Variants in PRKN observed in about 807,000 individuals in gnomAD.
The protein encoded by PRKN is E3 ubiquitin-protein ligase parkin.
Under a neutral mutation model 59.5 loss-of-function variants are expected in PRKN, and 56 were observed. The observed-to-expected ratio is 0.94, with a 90% CI of 0.76 to 1.18. PRKN has a LOEUF of 1.18. PRKN is among the 50% of genes most tolerant of loss of function. The pLI is 0.00. For synonymous variants in PRKN, 250 were observed against 222.1 expected, an observed-to-expected ratio of 1.13 and a Z score of -1.12; for missense variants, 657 against 596.4, an observed-to-expected ratio of 1.10 and a Z score of -1.06.
At chr6:161,857,857 A>G (rs1793720037) in intron 6 of PRKN, among the ~76,000 whole-genome samples, 1 of 152,316 alleles carries the variant, frequency 6.6e-6, no homozygotes, top group East Asian at 1.9e-4. Flanking sequence ...GGAAGACACA[A>G]CTTCATGGAG....
rs771621955 is a variant in PRKN at position 161,355,743 on chromosome 6, C to T, written c.1285+4345G>A. On this transcript the variant is annotated intron_variant, in intron 11 of 11. Transcript: ENST00000366898. The surrounding 1 kb of genome is among the most constrained non-coding windows in gnomAD (Gnocchi z 6.8). ...TTTAATTCAGCAAATATTTTTTGTC[C>T]GGGCTCTCTTCTGGGATTGGAGCCT... Among the ~76,000 whole-genome samples, 12 of 152,086 alleles carry T rather than the reference C, an allele frequency of 7.9e-5. No homozygotes were observed. Among genetic ancestry groups the T allele is most frequent in the Non-Finnish European group, 1.8e-4 (12 of 68,016 alleles).
In PRKN at chr6:161,413,978, G is replaced by C. The variant is rs528075593; in HGVS notation, c.1084-27101C>G. Among the ~76,000 whole-genome samples, 4 of 152,230 alleles carry C rather than the reference G, an allele frequency of 2.6e-5. No individual in the cohort carries two copies. The East Asian group carries it at 7.7e-4, about 29-fold the overall frequency. ...GTGGCAGAAAGAGATGATAACTCCA[G>C]GAAGGAAGGGGTGCCTGAGAGAAGC... On this transcript the variant is annotated intron_variant, in intron 9 of 11. Transcript: ENST00000366898. This position sits in a 1 kb window ranked among gnomAD's most constrained non-coding sequence, Gnocchi z 4.4.
At chr6:161,947,618 T>C (rs944703868) in intron 6 of PRKN, among the ~76,000 whole-genome samples, 1 of 152,202 alleles carries the variant, frequency 6.6e-6, no homozygotes, top group African/African-American at 2.4e-5. Context: ...CATCTTGTAT[T>C]CATGTGTTAA....
chr6:162,109,319 A>T (rs1304334090), intron 4 of PRKN, among the ~76,000 whole-genome samples: 1 of 152,214 alleles, frequency 6.6e-6, no homozygotes, highest in Non-Finnish European at 1.5e-5. Flanking sequence ...ATATACAGAG[A>T]GAGATAAAAG....
chr6:162,562,844 T>C lies in PRKN; in HGVS notation c.8-119371A>G, dbSNP rs186254636. 4.6e-4 allele frequency among the ~76,000 whole-genome samples: 70 copies of C among 152,288 alleles called. No individual in the cohort carries two copies. The East Asian group carries it at 0.013, about 29-fold the overall frequency. On this transcript the variant is annotated intron_variant, in intron 1 of 11. Transcript: ENST00000366898. ...CAGGGCCTTGAGTGAACATAGGCAGTAGCCAGGGAGTGGTTACAGCAGGAC... is the reference window on the plus strand; with the variant it reads ...CAGGGCCTTGAGTGAACATAGGCAGCAGCCAGGGAGTGGTTACAGCAGGAC...
rs1789955197 is a variant in PRKN, at chr6:161,456,067, T to G, written c.1084-69190A>C. Among the ~76,000 whole-genome samples the G allele has an allele frequency of 6.6e-6, 1 of 152,122 alleles. No homozygotes were observed. The highest frequency in any genetic ancestry group is 2.4e-5 in the African/African-American group (1 of 41,438). On this transcript the variant is annotated intron_variant, in intron 9 of 11. Transcript: ENST00000366898. This position sits in a 1 kb window ranked among gnomAD's most constrained non-coding sequence, Gnocchi z 4.8. ...GCCTCTAGGGGAAGCAAAGGGCTCCTGTGTTGTGATGGTTAATATTGAGTG... is the reference window on the plus strand; with the variant it reads ...GCCTCTAGGGGAAGCAAAGGGCTCCGGTGTTGTGATGGTTAATATTGAGTG...
intron 9 of PRKN, among the ~76,000 whole-genome samples, chr6:161,479,038 G>A (rs1433697111): frequency 6.6e-6 from 1 of 152,090 alleles, no homozygotes; most frequent in African/African-American, 2.4e-5. Flanking sequence ...TTGGATGAAA[G>A]AAAAAAGATA....
chr6:161,574,229 T>A (rs1042290720), intron 7 of PRKN, among the ~76,000 whole-genome samples: 2 of 151,780 alleles, frequency 1.3e-5, no homozygotes, highest in African/African-American at 4.8e-5. Flanking sequence ...GGCTTAAAAA[T>A]AACAAAACTG....
Position 162,420,354 on chromosome 6 carries a change from C to T in PRKN, c.171+22956G>A, listed in dbSNP as rs368073570. The stretch of plus-strand genomic sequence containing the variant: ...GGCACAAATTTAATCACATTGAATC[C>T]TTTGTCTTCTATTAGTTAAAAGGTT... On this transcript the variant is annotated intron_variant, in intron 2 of 11. Transcript: ENST00000366898. 6.6e-5 allele frequency among the ~76,000 whole-genome samples: 10 copies of T among 152,098 alleles called. 1 individual carries two copies. The East Asian group carries it at 1.7e-3, about 26-fold the overall frequency.
rs181390051 is a variant in PRKN at position 162,521,804 on chromosome 6, T to C, written c.8-78331A>G. 9.2e-5 allele frequency among the ~76,000 whole-genome samples: 14 copies of C among 152,246 alleles called. No individual in the cohort carries two copies. The East Asian group carries it at 2.7e-3, about 29-fold the overall frequency. ...CAAAATATTATATGGTTCAAATTGT[T>C]AAAAAATCACAGCTTACTTAATAAA... On this transcript the variant is annotated intron_variant, in intron 1 of 11. Coordinates refer to ENST00000366898, the MANE Select transcript of PRKN (RefSeq NM_004562.3).
rs904993360 is a variant in PRKN at position 161,429,440 on chromosome 6, G to C, written c.1084-42563C>G. On this transcript the variant is annotated intron_variant, in intron 9 of 11. Coordinates refer to ENST00000366898, the MANE Select transcript of PRKN (RefSeq NM_004562.3). The surrounding 1 kb of genome is among the most constrained non-coding windows in gnomAD (Gnocchi z 4.2). ...GCAACCTGGGGAGCCATGGTTAAGA[G>C]GGACGGAGAAATAACACGAATGTGG... Among the ~76,000 whole-genome samples, 1 of 152,160 alleles carries C rather than the reference G, an allele frequency of 6.6e-6. No individual in the cohort carries two copies. The highest frequency in any genetic ancestry group is 2.4e-5 in the African/African-American group (1 of 41,428).
At chr6:161,590,909 G>A (rs1781697743) in intron 7 of PRKN, among the ~76,000 whole-genome samples, 1 of 152,112 alleles carries the variant, frequency 6.6e-6, no homozygotes, top group Admixed American at 6.6e-5. Flanking sequence ...TGTGGCAACT[G>A]GATGCAACAT....
At chr6:161,421,587 C>T (rs1435703275) in intron 9 of PRKN, among the ~76,000 whole-genome samples, 5 of 152,208 alleles carry the variant, frequency 3.3e-5, no homozygotes, top group African/African-American at 1.2e-4. Context: ...GGAGGGGACT[C>T]CGGAGATCAC....
intron 2 of PRKN, among the ~76,000 whole-genome samples, chr6:162,417,730 T>C (rs1291822493): frequency 6.6e-6 from 1 of 152,204 alleles, no homozygotes; most frequent in Non-Finnish European, 1.5e-5. Flanking sequence ...GTTTATGGCT[T>C]TCGGTTTCTA....
At chr6:162,078,999 C>A (rs1778949915) in intron 4 of PRKN, among the ~76,000 whole-genome samples, 2 of 152,186 alleles carry the variant, frequency 1.3e-5, no homozygotes, top group South Asian at 4.1e-4. Flanking sequence ...CTTTTGAAGT[C>A]ATCAGAGGTT....
intron 7 of PRKN, among the ~76,000 whole-genome samples, chr6:161,770,625 G>A (rs566842450): frequency 7.2e-5 from 11 of 152,000 alleles, no homozygotes; most frequent in South Asian, 2.1e-4. Flanking sequence ...GCACCACCAC[G>A]CCCAACTAAT....
chr6:162,666,863 G>A (rs534169827), intron 1 of PRKN, among the ~76,000 whole-genome samples: 117 of 152,092 alleles, frequency 7.7e-4, no homozygotes, highest in African/African-American at 2.7e-3. Flanking sequence ...AGAGTTTCAG[G>A]ACAAGCAAAT....
At chr6:162,041,770 T>C (rs1175761848) in intron 5 of PRKN, among the ~76,000 whole-genome samples, 3 of 152,226 alleles carry the variant, frequency 2.0e-5, no homozygotes, top group Non-Finnish European at 4.4e-5. Context: ...TTATAGCCCC[T>C]AAATTGTAAC....
intron 9 of PRKN, among the ~76,000 whole-genome samples, chr6:161,464,499 C>CA (rs1191323454): frequency 6.6e-6 from 1 of 152,092 alleles, no homozygotes; most frequent in Non-Finnish European, 1.5e-5. Flanking sequence ...TGAGTTTTGG[C>CA]AATATATGCA....
Sources: gnomAD v4.1 joint callset for allele counts (sites outside exome capture counted in the v4.1 genomes callset) on GRCh38, gnomAD v4.1.1 for gene constraint, Gnocchi (gnomAD v3.1) non-coding constraint, MANE v1.5 for transcripts, NCBI Gene and HGNC (gene_info 2026-07-23, HGNC 2026-07-21) for gene names.